The following ENTPD4 variants were observed in gnomAD, a reference collection of about 807,000 sequenced individuals.
ENTPD4 encodes ectonucleoside triphosphate diphosphohydrolase 4, also known as Golgi UDPase.
In ENTPD4, 60 loss-of-function variants were observed where a neutral mutation model predicts 79.1. The observed-to-expected ratio is 0.76, with a 90% CI of 0.62 to 0.94. The LOEUF is 0.94. Ranked by LOEUF, ENTPD4 falls within the 40% of genes least tolerant of loss-of-function variation. ENTPD4 has a pLI of 0.00. For synonymous variants in ENTPD4, 276 were observed against 292.0 expected (o/e 0.95, Z 0.56); for missense variants, 772 against 775.1 (o/e 1.00, Z 0.05).
At chr8:23,446,650 C>T (rs1308143044) in intron 4 of ENTPD4, among the ~76,000 whole-genome samples, 2 of 152,160 alleles carry the variant, frequency 1.3e-5, no homozygotes, top group Admixed American at 1.3e-4. Context: ...GCTGCCCATA[C>T]ATCAAAGGAT....
chr8:23,453,713 G>A (rs900951598), intron 1 of ENTPD4, among the ~76,000 whole-genome samples: 2 of 152,140 alleles, frequency 1.3e-5, no homozygotes, highest in Non-Finnish European at 2.9e-5. Flanking sequence ...AACCTTCTGG[G>A]GGTACTGGGG....
intron 3 of ENTPD4, 26 bp downstream of exon 3, chr8:23,448,716 A>G (rs754800196): frequency 1.3e-6 from 2 of 1,597,486 alleles, no homozygotes; most frequent in South Asian, 1.1e-5. Context: ...CTTCTGGTCT[A>G]GAAAGCAAAT....
chr8:23,451,028 T>C (rs1367268761), intron 1 of ENTPD4, among the ~76,000 whole-genome samples: 6 of 150,714 alleles, frequency 4.0e-5, no homozygotes, highest in Non-Finnish European at 7.4e-5. Context: ...TTTTCTTTTT[T>C]TTTTTTTTTT....
chr8:23,430,127 C>T lies in ENTPD4; in HGVS notation c.*2799G>A. 1 of 985,454 alleles carries T rather than the reference C, an allele frequency of 1.0e-6. No homozygotes were observed. The highest frequency in any genetic ancestry group is 1.7e-5 in the African/African-American group (1 of 57,366). The allele number at this position is 985,454 out of a possible 1,614,324, so 61.0% of individuals were successfully genotyped here. ...TTCTTCTCTTGAATTAAGATCCTCC[C>T]TGGCTTGTCTCTCACCCACCCTGTA... On this transcript the variant is annotated 3_prime_UTR_variant, in exon 13 of 13. Coordinates refer to ENST00000358689, the MANE Select transcript of ENTPD4 (RefSeq NM_004901.5).
intron 8 of ENTPD4, 55 bp from the exon 9 acceptor site, chr8:23,439,970 TA>T: frequency 6.7e-7 from 1 of 1,503,162 alleles, no homozygotes; most frequent in Non-Finnish European, 9.2e-7. Context: ...AGCCTCCTAC[TA>T]AAAAGAAAAG....
In ENTPD4 at chr8:23,441,782, T is replaced by C. The variant is rs1563224858; in HGVS notation, c.728-59A>G. On this transcript the variant is annotated intron_variant, in intron 7 of 12. Coordinates refer to ENST00000358689, the MANE Select transcript of ENTPD4 (RefSeq NM_004901.5). ...ACTAATCCAGAGAACTGGGCTCTTC[T>C]GAAGAGTCACCTTCTTTTCATGGTC... 11 of 1,559,504 alleles carry C rather than the reference T, an allele frequency of 7.1e-6. 1 individual carries two copies. The highest frequency in any genetic ancestry group is 3.5e-5 in the Admixed American group (2 of 57,174).
At chr8:23,448,034 A>G (rs1800793534) in intron 3 of ENTPD4, 149 bp from the exon 4 acceptor site, 3 of 637,010 alleles carry the variant, frequency 4.7e-6, no homozygotes, top group Non-Finnish European at 8.3e-6. Flanking sequence ...ATAATTGAAG[A>G]GTCAAAAGAA....
intron 3 of ENTPD4, 21 bp from the exon 4 acceptor site, chr8:23,447,906 T>G: frequency 6.3e-7 from 1 of 1,599,280 alleles, no homozygotes; most frequent in East Asian, 2.2e-5. Flanking sequence ...AACACACGTA[T>G]GCTTTGATTT....
At position 23,443,968 on chromosome 8, in the gene ENTPD4, A is replaced by G; in HGVS notation, c.564-15T>C. Reference sequence around the variant, plus strand: ...CTTTCTGCTGGCTGTAAAGTAATAAAAACATTTACAAATCAAAAGATTACA... The same window carrying G: ...CTTTCTGCTGGCTGTAAAGTAATAAGAACATTTACAAATCAAAAGATTACA... On this transcript the variant is annotated splice_polypyrimidine_tract_variant and intron_variant, in intron 5 of 12. Transcript: ENST00000358689. 1 of 1,528,900 alleles carries G rather than the reference A, an allele frequency of 6.5e-7. No homozygotes were observed. The highest frequency in any genetic ancestry group is 9.0e-7 in the Non-Finnish European group (1 of 1,108,142). The allele number at this position is 1,528,900 out of a possible 1,614,324, so 94.7% of individuals were successfully genotyped here.
At chr8:23,435,613 C>A in intron 10 of ENTPD4, 136 bp from the exon 11 acceptor site, 1 of 660,234 alleles carries the variant, frequency 1.5e-6, no homozygotes, top group Non-Finnish European at 2.7e-6. Flanking sequence ...ACTTATACAA[C>A]AAATGGCAAG....
chr8:23,447,799 C>T lies in ENTPD4; in HGVS notation c.293G>A (p.Ser98Asn). Residue 98 changes from serine (S) to asparagine (N), a missense_variant, in exon 4 of 13, where the codon AGT (serine) becomes AAT (asparagine). Coordinates refer to ENST00000358689, the MANE Select transcript of ENTPD4 (RefSeq NM_004901.5). ...GCAGTAAACAAATACTCGAGACCCA[C>T]TGCTACCACAGTCCACCACGATCCC... ...NYGIVVDCGS[S>N]GSRVFVYCWP... The T allele has an allele frequency of 6.2e-7, 1 of 1,614,216 alleles. No homozygotes were observed. The highest frequency in any genetic ancestry group is 8.5e-7 in the Non-Finnish European group (1 of 1,180,018).
chr8:23,455,777 A>C (rs1459243134), intron 1 of ENTPD4, among the ~76,000 whole-genome samples: 1 of 152,130 alleles, frequency 6.6e-6, no homozygotes, highest in African/African-American at 2.4e-5. Flanking sequence ...CTAGGGTTGA[A>C]ATCTTCTAAT....
chr8:23,430,981 C>T lies in ENTPD4; in HGVS notation c.*1945G>A, dbSNP rs759099295. 21 of 985,310 alleles carry T rather than the reference C, an allele frequency of 2.1e-5. No homozygotes were observed. Among genetic ancestry groups the T allele is most frequent in the Non-Finnish European group, 2.5e-5 (21 of 829,928 alleles). The allele number at this position is 985,310 out of a possible 1,614,324, so 61.0% of individuals were successfully genotyped here. ...GATGCAGGTAAATCCAGAGGCAGAGCCTGGGTCCCCAGGCTGCTGGTAACA... is the reference window on the plus strand; with the variant it reads ...GATGCAGGTAAATCCAGAGGCAGAGTCTGGGTCCCCAGGCTGCTGGTAACA... On this transcript the variant is annotated 3_prime_UTR_variant, in exon 13 of 13. Transcript: ENST00000358689.
In ENTPD4 at chr8:23,429,866, C is replaced by A; in HGVS notation, c.*3060G>T. On this transcript the variant is annotated 3_prime_UTR_variant, in exon 13 of 13. Transcript: ENST00000358689. Reference sequence around the variant, plus strand: ...TGGTACAGTTCCATGTGTTTCTCTTCTACTGTAATGTCCCCAGAGGGATTG... The same window carrying A: ...TGGTACAGTTCCATGTGTTTCTCTTATACTGTAATGTCCCCAGAGGGATTG... The A allele has an allele frequency of 1.0e-6, 1 of 985,458 alleles. No individual in the cohort carries two copies. Among genetic ancestry groups the A allele is most frequent in the Non-Finnish European group, 1.2e-6 (1 of 829,946 alleles). 61.0% of individuals were successfully genotyped at this position (985,458 alleles called of 1,614,324 possible).
intron 2 of ENTPD4, among the ~76,000 whole-genome samples, chr8:23,449,540 C>T (rs1031046998): frequency 6.6e-6 from 1 of 152,124 alleles, no homozygotes; most frequent in African/African-American, 2.4e-5. Flanking sequence ...TTTTCTATGT[C>T]CTGTACTTTT....
chr8:23,448,020 T>C (rs1388806496), intron 3 of ENTPD4, 135 bp from the exon 4 acceptor site: 10 of 655,422 alleles, frequency 1.5e-5, no homozygotes, highest in Non-Finnish European at 2.2e-5. Context: ...AATACAACTG[T>C]TGAATAATTG....
intron 1 of ENTPD4, among the ~76,000 whole-genome samples, chr8:23,452,619 C>T (rs543418073): frequency 3.9e-4 from 59 of 152,314 alleles, no homozygotes; most frequent in Non-Finnish European, 7.1e-4. Flanking sequence ...CTGACATCAT[C>T]GCAGAAAGCT....
At chr8:23,438,175 G>C (rs962472096) in intron 9 of ENTPD4, among the ~76,000 whole-genome samples, 1 of 152,204 alleles carries the variant, frequency 6.6e-6, no homozygotes. Flanking sequence ...ACAAGAAACA[G>C]AGAAGAGCTC....
chr8:23,442,560 G>A (rs570990633), intron 6 of ENTPD4, among the ~76,000 whole-genome samples: 8 of 152,074 alleles, frequency 5.3e-5, no homozygotes, highest in Non-Finnish European at 1.0e-4. Flanking sequence ...GGCGGCGCCT[G>A]TAGTCCCAGC....
Sources: gnomAD v4.1 joint callset for allele counts (sites outside exome capture counted in the v4.1 genomes callset) on GRCh38, gnomAD v4.1.1 for gene constraint, MANE v1.5 for transcripts, NCBI Gene and HGNC (gene_info 2026-07-23, HGNC 2026-07-21) for gene names.